The following DLGAP1 variants were observed in gnomAD, a reference collection of about 807,000 sequenced individuals.
The protein encoded by DLGAP1 is disks large-associated protein 1.
In DLGAP1, 11 loss-of-function variants were observed where a neutral mutation model predicts 90.8. That is an observed-to-expected ratio of 0.12 (90% CI 0.08 to 0.20). The LOEUF is 0.20. Ranked by LOEUF, DLGAP1 falls within the 10% of genes least tolerant of loss-of-function variation. The pLI is 1.00. For synonymous variants in DLGAP1, 558 were observed against 540.7 expected, an observed-to-expected ratio of 1.03 and a Z score of -0.44; for missense variants, 1,050 against 1,333.8, an observed-to-expected ratio of 0.79 and a Z score of 3.31.
At chr18:4,282,441 C>T (rs976466047) in intron 1 of DLGAP1, among the ~76,000 whole-genome samples, 1 of 150,068 alleles carries the variant, frequency 6.7e-6, no homozygotes, top group African/African-American at 2.4e-5. Context: ...AAAGCTGGTA[C>T]AGATAAGGTG....
intron 3 of DLGAP1, among the ~76,000 whole-genome samples, chr18:3,927,455 C>T (rs545676029): frequency 6.6e-6 from 1 of 152,230 alleles, no homozygotes; most frequent in African/African-American, 2.4e-5. Context: ...TAATATATTC[C>T]TGTTAAATAT....
intron 3 of DLGAP1, among the ~76,000 whole-genome samples, chr18:3,882,829 C>G (rs1421622454): frequency 6.6e-6 from 1 of 152,192 alleles, no homozygotes; most frequent in Admixed American, 6.5e-5. Context: ...TTCAAGACTT[C>G]CTACAATACA....
chr18:3,987,544 T>A (rs2073867793), intron 3 of DLGAP1, among the ~76,000 whole-genome samples: 1 of 152,224 alleles, frequency 6.6e-6, no homozygotes, highest in South Asian at 2.1e-4. Context: ...GTATTCGAAC[T>A]CACTTCACCC....
intron 1 of DLGAP1, among the ~76,000 whole-genome samples, chr18:4,374,696 T>TA (rs1171678998): frequency 3.3e-5 from 5 of 152,138 alleles, no homozygotes; most frequent in African/African-American, 1.2e-4. Flanking sequence ...TGTTAAGAAA[T>TA]ACAATTTGCC....
chr18:4,422,750 C>A (rs75864337), intron 1 of DLGAP1, among the ~76,000 whole-genome samples: 2,036 of 152,002 alleles, frequency 0.013, 44 homozygotes, highest in African/African-American at 0.044. Flanking sequence ...ATGTATTGTC[C>A]TAACAAATGG....
chr18:4,390,366 T>C (rs2082317188), intron 1 of DLGAP1, among the ~76,000 whole-genome samples: 1 of 151,912 alleles, frequency 6.6e-6, no homozygotes. Context: ...TATTGACACA[T>C]CATTATCACC....
intron 7 of DLGAP1, chr18:3,596,719 G>A: frequency 4.5e-6 from 2 of 441,222 alleles, no homozygotes; most frequent in Admixed American, 5.8e-5. Flanking sequence ...CGTGAACAGG[G>A]ATGAGAAGAG....
At chr18:3,674,277 C>A (rs1233011385) in intron 7 of DLGAP1, among the ~76,000 whole-genome samples, 2 of 107,678 alleles carry the variant, frequency 1.9e-5, no homozygotes, top group African/African-American at 3.9e-5. Flanking sequence ...AGAGTGAGAT[C>A]TTGTCTCTAT....
intron 2 of DLGAP1, among the ~76,000 whole-genome samples, chr18:4,103,642 G>T (rs966797932): frequency 1.3e-5 from 2 of 152,112 alleles, no homozygotes; most frequent in African/African-American, 4.8e-5. Context: ...TAATACCTGA[G>T]ATAACAGGTA....
At chr18:4,274,231 G>T (rs915872589) in intron 1 of DLGAP1, among the ~76,000 whole-genome samples, 1 of 151,954 alleles carries the variant, frequency 6.6e-6, no homozygotes, top group Non-Finnish European at 1.5e-5. Context: ...TCATCTCAAA[G>T]TGTTTTTGGA....
intron 7 of DLGAP1, among the ~76,000 whole-genome samples, chr18:3,676,073 C>G (rs1214825820): frequency 1.3e-5 from 2 of 152,204 alleles, no homozygotes; most frequent in African/African-American, 4.8e-5. Context: ...TCCTTTCTAA[C>G]AAACAGCAGC....
intron 3 of DLGAP1, among the ~76,000 whole-genome samples, chr18:3,938,170 T>G (rs1001600670): frequency 6.6e-6 from 1 of 152,174 alleles, no homozygotes; most frequent in Admixed American, 6.5e-5. Context: ...GGGCAATAGT[T>G]TGGGGCTATT....
rs1230711827 is a variant in DLGAP1, at chr18:4,265,524, TTTCC to T, written c.-266-114241_-266-114238del. Among the ~76,000 whole-genome samples the T allele has an allele frequency of 6.1e-4, 70 of 115,580 alleles. 2 individuals carry two copies. Among genetic ancestry groups the T allele is most frequent in the African/African-American group, 2.3e-3 (67 of 29,470 alleles). The allele number at this position is 115,580 out of a possible 152,430, so 75.8% of individuals were successfully genotyped here. A position where few individuals can be genotyped will look rare whatever the true frequency, so the allele number is the denominator to read the frequency against. On this transcript the variant is annotated intron_variant, in intron 1 of 12. Transcript: ENST00000315677. ...TTTCTTTGTTTCTTCTTTTTCTTTC[TTTCC>T]TTCCTTCCTTCCCTCCCCTTCCTTC...
intron 1 of DLGAP1, among the ~76,000 whole-genome samples, chr18:4,406,259 T>C (rs2082662763): frequency 6.6e-6 from 1 of 152,194 alleles, no homozygotes; most frequent in South Asian, 2.1e-4. Context: ...CCATTTTTCA[T>C]CTGTGATGCA....
intron 1 of DLGAP1, among the ~76,000 whole-genome samples, chr18:4,414,649 C>A (rs972502018): frequency 2.0e-5 from 3 of 151,506 alleles, no homozygotes; most frequent in Middle Eastern, 3.4e-3. Flanking sequence ...TCACTGGAAC[C>A]CGGAAGGCAG....
intron 5 of DLGAP1, among the ~76,000 whole-genome samples, chr18:3,780,998 G>A (rs3909242): frequency 0.61 from 92,426 of 151,838 alleles, 28,418 homozygotes; most frequent in East Asian, 0.72. Flanking sequence ...TTTTAAAAAC[G>A]TTTTTTGTAG....
At chr18:3,691,027 G>A (rs1255228541) in intron 7 of DLGAP1, among the ~76,000 whole-genome samples, 1 of 152,240 alleles carries the variant, frequency 6.6e-6, no homozygotes, top group African/African-American at 2.4e-5. Flanking sequence ...TAAGGGTCTG[G>A]TTTAGTGGAG....
At chr18:4,411,494 G>A (rs1209733970) in intron 1 of DLGAP1, among the ~76,000 whole-genome samples, 2 of 152,154 alleles carry the variant, frequency 1.3e-5, no homozygotes, top group African/African-American at 4.8e-5. Context: ...GCAATTTAGA[G>A]CAAAGTGAAT....
At chr18:3,874,222 C>T (rs749996096) in intron 4 of DLGAP1, 5 of 1,549,804 alleles carry the variant, frequency 3.2e-6, no homozygotes, top group Non-Finnish European at 4.4e-6. Context: ...TTAAAAAGGT[C>T]GATCATTTTG....
Sources: allele counts gnomAD v4.1 joint callset (sites outside exome capture counted in the v4.1 genomes callset), GRCh38; gene constraint gnomAD v4.1.1; transcripts MANE v1.5; gene names NCBI Gene and HGNC (gene_info 2026-07-23, HGNC 2026-07-21).